Variants in TBCA observed in about 807,000 individuals in gnomAD.
The protein encoded by TBCA is tubulin folding cofactor A.
TBCA carries 6 observed loss-of-function variants against 15.8 expected under a neutral mutation model. The ratio of observed to expected loss-of-function variants is 0.38; its 90% CI spans 0.21 to 0.75. The LOEUF is 0.75. Among genes scored for constraint, TBCA ranks in the 30% least tolerant of loss-of-function variants. The probability of loss-of-function intolerance (pLI) is 0.46; values close to 1 mark genes in which losing one functional copy is unlikely to be tolerated. For missense variants in TBCA, 90 were observed against 131.2 expected (o/e 0.69, Z 1.53); for synonymous variants, 32 against 42.3 (o/e 0.76, Z 0.94).
intron 2 of TBCA, among the ~76,000 whole-genome samples, chr5:77,700,611 T>C (rs1444578346): frequency 1.3e-5 from 2 of 152,200 alleles, no homozygotes; most frequent in African/African-American, 4.8e-5. Context: ...TCATTGCTGG[T>C]GGGAACATAA....
At chr5:77,757,785 G>A (rs2112502001) in intron 1 of TBCA, among the ~76,000 whole-genome samples, 1 of 152,346 alleles carries the variant, frequency 6.6e-6, no homozygotes, top group Admixed American at 6.5e-5. Context: ...ATGTGCCCGT[G>A]ACATAGCCTC....
intron 1 of TBCA, among the ~76,000 whole-genome samples, chr5:77,775,265 C>G (rs1747994804): frequency 6.6e-6 from 1 of 152,174 alleles, no homozygotes; most frequent in Non-Finnish European, 1.5e-5. Flanking sequence ...TCTTCTATCC[C>G]TCTCTCACAT....
intron 1 of TBCA, among the ~76,000 whole-genome samples, chr5:77,714,426 C>T (rs1219611354): frequency 6.6e-6 from 1 of 152,064 alleles, no homozygotes; most frequent in Non-Finnish European, 1.5e-5. Context: ...TTACACTTCT[C>T]ATTAATAACA....
intron 2 of TBCA, among the ~76,000 whole-genome samples, chr5:77,705,281 G>GA (rs35573409): frequency 6.6e-6 from 1 of 151,788 alleles, no homozygotes; most frequent in Non-Finnish European, 1.5e-5. Flanking sequence ...TATTGATGGT[G>GA]AAAAAAAGCA....
chr5:77,691,894 A>G, intron 3 of TBCA: 1 of 990,664 alleles, frequency 1.0e-6, no homozygotes. Context: ...GGCCAAAATA[A>G]TCCACTGACT....
At chr5:77,698,266 C>A (rs1193805508) in intron 2 of TBCA, among the ~76,000 whole-genome samples, 1 of 150,346 alleles carries the variant, frequency 6.7e-6, no homozygotes, top group Non-Finnish European at 1.5e-5. Flanking sequence ...TAGAGGATAT[C>A]ATTACGGATC....
chr5:77,717,551 C>T (rs1322421430), intron 1 of TBCA, among the ~76,000 whole-genome samples: 1 of 152,156 alleles, frequency 6.6e-6, no homozygotes, highest in Non-Finnish European at 1.5e-5. Context: ...TGCTTTTAGT[C>T]GGGCGCAGTG....
At chr5:77,706,506 TAGAG>T (rs1266356558) in intron 2 of TBCA, among the ~76,000 whole-genome samples, 1 of 151,138 alleles carries the variant, frequency 6.6e-6, no homozygotes, top group African/African-American at 2.4e-5. Context: ...GAGAGAAAAA[TAGAG>T]AGAGTAAGAA....
chr5:77,776,219 G>C lies in TBCA; in HGVS notation c.39C>G (p.Thr13=). 6.4e-7 allele frequency: 1 copy of C among 1,573,760 alleles called. No individual in the cohort carries two copies. Among genetic ancestry groups the C allele is most frequent in the Non-Finnish European group, 8.6e-7 (1 of 1,160,694 alleles). ...DPRVRQIKIK[T]GVVKRLVKEK... Reference sequence around the variant, plus strand: ...CGGCTCCTTACCGCTTCACCACGCCGGTCTTGATCTTGATCTGTCTCACGC... The same window carrying C: ...CGGCTCCTTACCGCTTCACCACGCCCGTCTTGATCTTGATCTGTCTCACGC... The change falls in exon 1 of 4, where the codon ACC becomes ACG. Residue 13 remains threonine (T), a synonymous_variant. Transcript: ENST00000380377.
rs1484248864 is a variant in TBCA at position 77,714,798 on chromosome 5, C to T, written c.54-6451G>A. 2.6e-5 allele frequency among the ~76,000 whole-genome samples: 4 copies of T among 152,022 alleles called. No homozygotes were observed. The East Asian group carries it at 5.8e-4, about 22-fold the overall frequency. ...AGCCAGGATGGTCTCAATCTCCTGACCTTGTGATCCGCCCACCTCGACCTC... is the reference window on the plus strand; with the variant it reads ...AGCCAGGATGGTCTCAATCTCCTGATCTTGTGATCCGCCCACCTCGACCTC... On this transcript the variant is annotated intron_variant, in intron 1 of 3. Transcript: ENST00000380377.
intron 1 of TBCA, among the ~76,000 whole-genome samples, chr5:77,720,852 T>C (rs768245197): frequency 1.3e-5 from 2 of 152,228 alleles, no homozygotes; most frequent in African/African-American, 2.4e-5. Context: ...CCTTCCAAAA[T>C]TGTTATATAT....
intron 1 of TBCA, among the ~76,000 whole-genome samples, chr5:77,757,870 T>C (rs1747512700): frequency 6.6e-6 from 1 of 152,138 alleles, no homozygotes; most frequent in African/African-American, 2.4e-5. Flanking sequence ...AGATACAAGG[T>C]CAAGGGTAGA....
Position 77,754,540 on chromosome 5 carries a change from T to C in TBCA, c.53+21665A>G, listed in dbSNP as rs866894432. Among the ~76,000 whole-genome samples the C allele has an allele frequency of 9.2e-5, 14 of 152,354 alleles. No homozygotes were observed. In the Middle Eastern group the frequency reaches 0.01, roughly 111 times the overall value. ...CTTAACAGTTTACCTAGATTATTTA[T>C]GAAAACTGTGACAGTCATCATGTAA... On this transcript the variant is annotated intron_variant, in intron 1 of 3. Coordinates refer to ENST00000380377, the MANE Select transcript of TBCA (RefSeq NM_004607.3).
chr5:77,713,772 A>G (rs990405607), intron 1 of TBCA, among the ~76,000 whole-genome samples: 27 of 152,210 alleles, frequency 1.8e-4, no homozygotes, highest in African/African-American at 6.3e-4. Flanking sequence ...TAAGCATATT[A>G]AAGTTTACAC....
At chr5:77,697,524 C>G (rs1336054245) in intron 2 of TBCA, among the ~76,000 whole-genome samples, 1 of 151,702 alleles carries the variant, frequency 6.6e-6, no homozygotes, top group Non-Finnish European at 1.5e-5. Flanking sequence ...TTAAGTAGCC[C>G]ATGGGCCAAA....
chr5:77,730,646 A>G (rs1746746400), intron 1 of TBCA, among the ~76,000 whole-genome samples: 1 of 152,076 alleles, frequency 6.6e-6, no homozygotes, highest in African/African-American at 2.4e-5. Flanking sequence ...AGGATGGCAC[A>G]AGAACATAAA....
At chr5:77,729,354 A>G (rs1746706926) in intron 1 of TBCA, among the ~76,000 whole-genome samples, 1 of 152,108 alleles carries the variant, frequency 6.6e-6, no homozygotes, top group African/African-American at 2.4e-5. Flanking sequence ...ATCACTGGAA[A>G]AGTGTTCTCC....
chr5:77,714,407 C>G (rs1746350288), intron 1 of TBCA, among the ~76,000 whole-genome samples: 1 of 151,992 alleles, frequency 6.6e-6, no homozygotes, highest in Non-Finnish European at 1.5e-5. Context: ...AAGGAAGAAT[C>G]AGATTGACTT....
chr5:77,754,254 A>G (rs1335848036), intron 1 of TBCA, among the ~76,000 whole-genome samples: 1 of 152,108 alleles, frequency 6.6e-6, no homozygotes, highest in Non-Finnish European at 1.5e-5. Flanking sequence ...TTCTTACCAA[A>G]AATACCTATT....
Sources: allele counts gnomAD v4.1 joint callset (sites outside exome capture counted in the v4.1 genomes callset), GRCh38; gene constraint gnomAD v4.1.1; transcripts MANE v1.5; gene names NCBI Gene and HGNC (gene_info 2026-07-23, HGNC 2026-07-21).